ZFP28: variants seen among roughly 807,000 people sequenced by gnomAD.
The protein encoded by ZFP28 is zinc finger protein 28 homolog.
Under a neutral mutation model 39.5 loss-of-function variants are expected in ZFP28, and 31 were observed. The observed-to-expected ratio is 0.79, with a 90% CI of 0.59 to 1.06. ZFP28 has a LOEUF of 1.06. Among genes scored for constraint, ZFP28 ranks in the 50% least tolerant of loss-of-function variants. The pLI, the probability that ZFP28 is intolerant of heterozygous loss-of-function variation, is 0.00. For synonymous variants in ZFP28, 400 were observed against 378.6 expected, an observed-to-expected ratio of 1.06 and a Z score of -0.66; for missense variants, 925 against 1,048.4, an observed-to-expected ratio of 0.88 and a Z score of 1.63.
rs2044347191 is a variant in ZFP28, at chr19:56,555,968, G to T, written c.*576G>T. 6.6e-6 allele frequency: 1 copy of T among 152,242 alleles called. No homozygotes were observed. The highest frequency in any genetic ancestry group is 2.1e-4 in the South Asian group (1 of 4,834). The allele number at this position is 152,242 out of a possible 1,614,324, so 9.4% of individuals were successfully genotyped here. A position where few individuals can be genotyped will look rare whatever the true frequency, so the allele number is the denominator to read the frequency against. On this transcript the variant is annotated 3_prime_UTR_variant, in exon 8 of 8. Coordinates refer to ENST00000301318, the MANE Select transcript of ZFP28 (RefSeq NM_020828.2). ...AGAAAAATGCAAGATTTATATGCAT[G>T]AAGTTAAAACAACTGACGTTACTCA... is the stretch of plus-strand genomic sequence containing the variant.
intron 5 of ZFP28, among the ~76,000 whole-genome samples, 153 bp from the exon 6 acceptor site, chr19:56,549,914 G>C (rs1314383825): frequency 6.6e-6 from 1 of 152,088 alleles, no homozygotes; most frequent in Non-Finnish European, 1.5e-5. Flanking sequence ...CTATAACTAA[G>C]CCCTGTCATT....
In ZFP28 at chr19:56,556,661, T is replaced by G. The variant is rs977637551; in HGVS notation, c.*1269T>G. 2.0e-5 allele frequency: 3 copies of G among 152,106 alleles called. No homozygotes were observed. Among genetic ancestry groups the G allele is most frequent in the Non-Finnish European group, 2.9e-5 (2 of 68,020 alleles). 9.4% of individuals were successfully genotyped at this position (152,106 alleles called of 1,614,324 possible). ...GAAAAATGTATAAAAGATTTTAATT[T>G]TATGAGGGCAATACAACTGTCACAT... is the stretch of plus-strand genomic sequence containing the variant. On this transcript the variant is annotated 3_prime_UTR_variant, in exon 8 of 8. Coordinates refer to ENST00000301318, the MANE Select transcript of ZFP28 (RefSeq NM_020828.2).
intron 2 of ZFP28, among the ~76,000 whole-genome samples, chr19:56,545,114 C>G (rs899148477): frequency 6.6e-6 from 1 of 152,180 alleles, no homozygotes; most frequent in Non-Finnish European, 1.5e-5. Context: ...CCTCAGGTAG[C>G]CATATTAGTG....
At chr19:56,541,379 AG>A (rs1356934112) in intron 2 of ZFP28, among the ~76,000 whole-genome samples, 1 of 152,194 alleles carries the variant, frequency 6.6e-6, no homozygotes. Context: ...CACCAGCAGC[AG>A]GTCCAAGTCC....
chr19:56,545,004 C>T (rs2044228093), intron 2 of ZFP28, among the ~76,000 whole-genome samples: 1 of 152,210 alleles, frequency 6.6e-6, no homozygotes, highest in South Asian at 2.1e-4. Context: ...AGGGTTGATT[C>T]TTCTTGGCAA....
At position 56,555,449 on chromosome 19, in the gene ZFP28, C is replaced by A; in HGVS notation, c.*57C>A. The A allele has an allele frequency of 1.3e-6, 2 of 1,514,986 alleles. No homozygotes were observed. The highest frequency in any genetic ancestry group is 1.3e-5 in the South Asian group (1 of 75,646). 93.8% of individuals were successfully genotyped at this position (1,514,986 alleles called of 1,614,324 possible). On this transcript the variant is annotated 3_prime_UTR_variant, in exon 8 of 8. Coordinates refer to ENST00000301318, the MANE Select transcript of ZFP28 (RefSeq NM_020828.2). Reference sequence around the variant, plus strand: ...AGCAGTTTAAAACCCCATCTCCCTGCCCTTTTGTTTTCTTTTTGTCCCTTA... The same window carrying A: ...AGCAGTTTAAAACCCCATCTCCCTGACCTTTTGTTTTCTTTTTGTCCCTTA...
In ZFP28 at chr19:56,554,433, G is replaced by C; in HGVS notation, c.1648G>C (p.Val550Leu). 6.2e-7 allele frequency: 1 copy of C among 1,614,132 alleles called. No individual in the cohort carries two copies. Among genetic ancestry groups the C allele is most frequent in the Non-Finnish European group, 8.5e-7 (1 of 1,180,028 alleles). The stretch of plus-strand genomic sequence containing the variant: ...CTTCAGGTATGGTTCCTCCCTTACT[G>C]TACATCAAAGGATTCATACCGGAGA... ...KSFRYGSSLT[V>L]HQRIHTGEKP... The change falls in exon 8 of 8, where the codon GTA (valine) becomes CTA (leucine). Residue 550 changes from valine (V) to leucine (L), a missense_variant. Val to Leu is a conservative substitution (Grantham distance 32). Transcript: ENST00000301318. This position sits in a 1 kb window ranked among gnomAD's most constrained non-coding sequence, Gnocchi z 6.7.
chr19:56,538,162 G>A (rs10415931), upstream of ZFP28: 22,083 of 152,352 alleles, frequency 0.14, 1,838 homozygotes, highest in Middle Eastern at 0.21. Context: ...TGGGAGGCCC[G>A]TGTAGCCAGA....
chr19:56,539,187 G>A lies in ZFP28; in HGVS notation c.169G>A (p.Gly57Ser). 1 of 1,603,828 alleles carries A rather than the reference G, an allele frequency of 6.2e-7. No homozygotes were observed. ...CTCAAGGAATGGCCTCGCATCCAAA[G>A]GCCAGCGAGGAGCGGCCCCTACGGG... The part of the protein sequence containing the change: ...PRSRNGLASK[G>S]QRGAAPTGPG... The change falls in exon 1 of 8, where the codon GGC becomes AGC. Residue 57 changes from glycine to serine, a missense_variant. This residue lies in a region of ZFP28 where 556 missense variants were observed against 542.9 expected (regional missense o/e 1.02). Transcript: ENST00000301318.
rs748422450 is a variant in ZFP28, at chr19:56,550,588, C to A, written c.881C>A (p.Thr294Lys). Residue 294 changes from threonine (T) to lysine (K), a missense_variant, in exon 7 of 8, where the codon ACA (threonine) becomes AAA (lysine). Transcript: ENST00000301318. ...CCCTGGATGGTGAAGCGAGAGCTGA[C>A]AGGAAGCCTGTTCTCAGGTGAGTGC... ...KEPWMVKRELTGSLFSGQRSV... is the reference protein window; with the variant it reads ...KEPWMVKRELKGSLFSGQRSV... 2 of 1,614,114 alleles carry A rather than the reference C, an allele frequency of 1.2e-6. No individual in the cohort carries two copies. Among genetic ancestry groups the A allele is most frequent in the South Asian group, 1.1e-5 (1 of 91,070 alleles).
Position 56,551,637 on chromosome 19 carries a change from A to G in ZFP28, c.898+1032A>G, listed in dbSNP as rs570154212. The G allele has an allele frequency of 1.5e-4, 151 of 985,436 alleles. No individual in the cohort carries two copies. The African/African-American group carries it at 2.4e-3, about 16-fold the overall frequency. The allele number at this position is 985,436 out of a possible 1,614,324, so 61.0% of individuals were successfully genotyped here. ...TTTTTGTTTTTGGTGACTAGCAACA[A>G]TTAGATGTATGAGTTTAATTGCATC... On this transcript the variant is annotated intron_variant, in intron 7 of 7. Transcript: ENST00000301318.
At chr19:56,548,013 C>A in intron 4 of ZFP28, 111 bp downstream of exon 4, 1 of 965,374 alleles carries the variant, frequency 1.0e-6, no homozygotes, top group Non-Finnish European at 1.5e-6. Flanking sequence ...TTAGGAATAT[C>A]TGTTATTTTT....
rs2044325093 is a variant in ZFP28, at chr19:56,553,773, C to T, written c.988C>T (p.Leu330Phe). The T allele has an allele frequency of 6.2e-7, 1 of 1,614,108 alleles. No individual in the cohort carries two copies. The highest frequency in any genetic ancestry group is 2.2e-5 in the East Asian group (1 of 44,868). ...AACAGACAGAACCTCAAACACTAAACTTGATTGTTCCAGTTTCAGAGAAAA... is the reference window on the plus strand; with the variant it reads ...AACAGACAGAACCTCAAACACTAAATTTGATTGTTCCAGTTTCAGAGAAAA... Reference protein sequence around the residue: ...GVTDRTSNTKLDCSSFRENWD... With the variant: ...GVTDRTSNTKFDCSSFRENWD... The change falls in exon 8 of 8, where the codon CTT becomes TTT. Residue 330 changes from leucine (L) to phenylalanine (F), a missense_variant. By Grantham distance (22) the Leu-to-Phe change is conservative. This residue lies in a region of ZFP28 where 556 missense variants were observed against 542.9 expected (regional missense o/e 1.02). Transcript: ENST00000301318.
intron 5 of ZFP28, among the ~76,000 whole-genome samples, chr19:56,549,327 A>C (rs1385449874): frequency 6.6e-6 from 1 of 152,250 alleles, no homozygotes; most frequent in African/African-American, 2.4e-5. Flanking sequence ...AGTTGTAATG[A>C]ATTACAAACA....
chr19:56,550,276 C>A, intron 6 of ZFP28, 95 bp downstream of exon 6: 1 of 1,245,670 alleles, frequency 8.0e-7, no homozygotes, highest in Non-Finnish European at 1.1e-6. Flanking sequence ...GGGGTGTCTT[C>A]TGACATGCTG....
rs1462569495 is a variant in ZFP28, at chr19:56,539,644, T to C, written c.228T>C (p.Thr76=). The C allele has an allele frequency of 6.2e-7, 1 of 1,613,970 alleles. No individual in the cohort carries two copies. Among genetic ancestry groups the C allele is most frequent in the African/African-American group, 1.3e-5 (1 of 74,894 alleles). ...PGHRALPSRD[T]ALPQERNKKL... ...TTTCAGCTCTGCCTTCCAGGGACAC[T>C]GCTCTTCCCCAGGAGAGAAACAAGA... The change falls in exon 2 of 8, where the codon ACT becomes ACC. Residue 76 remains threonine, a synonymous_variant. Transcript: ENST00000301318.
intron 4 of ZFP28, chr19:56,548,579 C>T (rs1372130817): frequency 1.3e-5 from 2 of 156,370 alleles, no homozygotes; most frequent in African/African-American, 2.4e-5. Context: ...CAGTTTTCTT[C>T]TATAGCCTCC....
chr19:56,542,599 A>G (rs564374295), intron 2 of ZFP28, among the ~76,000 whole-genome samples: 31 of 152,228 alleles, frequency 2.0e-4, no homozygotes, highest in Non-Finnish European at 4.3e-4. Context: ...CTTCATAGGC[A>G]AGGATTTGGG....
In ZFP28 at chr19:56,547,091, A is replaced by C. The variant is rs1402532091; in HGVS notation, c.301-417A>C. The C allele has an allele frequency of 5.5e-6, 1 of 183,036 alleles. No homozygotes were observed. Among genetic ancestry groups the C allele is most frequent in the Non-Finnish European group, 1.2e-5 (1 of 86,440 alleles). The allele number at this position is 183,036 out of a possible 1,614,324, so 11.3% of individuals were successfully genotyped here. ...GGGCTGCCAGAACAAATACCACAGAATGGGTGTCTTAAACAACAGAAATTT... is the reference window on the plus strand; with the variant it reads ...GGGCTGCCAGAACAAATACCACAGACTGGGTGTCTTAAACAACAGAAATTT... On this transcript the variant is annotated intron_variant, in intron 2 of 7. Coordinates refer to ENST00000301318, the MANE Select transcript of ZFP28 (RefSeq NM_020828.2). The surrounding 1 kb of genome is among the most constrained non-coding windows in gnomAD (Gnocchi z 4.6).
Sources: allele counts gnomAD v4.1 joint callset (sites outside exome capture counted in the v4.1 genomes callset), GRCh38; gene constraint gnomAD v4.1.1; regional missense constraint gnomAD v4.1.1; non-coding constraint Gnocchi (gnomAD v3.1); transcripts MANE v1.5; gene names NCBI Gene and HGNC (gene_info 2026-07-23, HGNC 2026-07-21).